The following ATP2C1 variants were observed in gnomAD, a reference collection of about 807,000 sequenced individuals.
ATP2C1 encodes the protein calcium-transporting ATPase type 2C member 1.
A neutral mutation model predicts 120.5 loss-of-function variants in ATP2C1; 31 were observed. The observed-to-expected ratio is 0.26, with a 90% CI of 0.19 to 0.35. The LOEUF (loss-of-function observed/expected upper bound fraction) is 0.35, where lower values mean the gene tolerates loss of function less well. Among genes scored for constraint, ATP2C1 ranks in the 10% least tolerant of loss-of-function variants. The pLI, the probability that ATP2C1 is intolerant of heterozygous loss-of-function variation, is 1.00. For missense variants in ATP2C1, 731 were observed against 1,107.5 expected (o/e 0.66, Z 4.83); for synonymous variants, 351 against 358.7 (o/e 0.98, Z 0.24).
intron 12 of ATP2C1, among the ~76,000 whole-genome samples, chr3:130,962,631 A>G (rs953505810): frequency 5.9e-5 from 9 of 151,276 alleles, no homozygotes; most frequent in Non-Finnish European, 1.0e-4. Flanking sequence ...AGTTTTGCTA[A>G]GATGACTTAA....
chr3:130,929,992 T>G, intron 2 of ATP2C1: 1 of 321,484 alleles, frequency 3.1e-6, no homozygotes, highest in Non-Finnish European at 6.0e-6. Flanking sequence ...AGATCAGCTA[T>G]GAGCTGACTG....
intron 2 of ATP2C1, among the ~76,000 whole-genome samples, chr3:130,898,845 A>T (rs1474253796): frequency 6.6e-6 from 1 of 152,208 alleles, no homozygotes; most frequent in Non-Finnish European, 1.5e-5. Flanking sequence ...TTTGTTTTAA[A>T]GGTGCCAGGA....
intron 2 of ATP2C1, among the ~76,000 whole-genome samples, chr3:130,908,988 T>C (rs1347775937): frequency 6.6e-6 from 1 of 152,196 alleles, no homozygotes; most frequent in African/African-American, 2.4e-5. Flanking sequence ...TTTTAATTTA[T>C]CAAATGAAGA....
intron 19 of ATP2C1, among the ~76,000 whole-genome samples, chr3:130,979,832 C>G (rs1431790253): frequency 6.6e-6 from 1 of 152,056 alleles, no homozygotes; most frequent in African/African-American, 2.4e-5. Flanking sequence ...TGTTTTTCAT[C>G]ATGTATACCT....
Position 130,998,318 on chromosome 3 carries a change from C to A in ATP2C1, c.2416C>A (p.Arg806=). 6.2e-7 allele frequency: 1 copy of A among 1,612,294 alleles called. No homozygotes were observed. Among genetic ancestry groups the A allele is most frequent in the Non-Finnish European group, 8.5e-7 (1 of 1,178,388 alleles). ...RELRDNVITP[R]DTTMTFTCFV... is the part of the protein sequence containing the mutation. ...GCTACGAGACAATGTGATTACACCTCGAGACACAACAATGACCTTCACATG... is the reference window on the plus strand; with the variant it reads ...GCTACGAGACAATGTGATTACACCTAGAGACACAACAATGACCTTCACATG... The change falls in exon 26 of 28, where the codon CGA becomes AGA. Residue 806 remains arginine, a synonymous_variant. Transcript: ENST00000510168.
Position 130,850,859 on chromosome 3 carries a change from CA to C in ATP2C1, c.45del (p.Lys15AsnfsTer14). The C allele has an allele frequency of 4.8e-6, 7 of 1,446,226 alleles. No individual in the cohort carries two copies. The highest frequency in any genetic ancestry group is 2.4e-5 in the Admixed American group (1 of 40,932). 89.6% of individuals were successfully genotyped at this position (1,446,226 alleles called of 1,614,324 possible). Reference sequence around the variant, plus strand: ...TGCCTCCATCTAGATTCTCTTATTTCAAAAAATATCCTCTCCATGCAATTAG... The same window carrying C: ...TGCCTCCATCTAGATTCTCTTATTTCAAAAATATCCTCTCCATGCAATTAG... On this transcript the variant is annotated frameshift_variant, in exon 1 of 27. Coordinates refer to the ATP2C1 transcript ENST00000504381. LOFTEE classifies it high-confidence loss of function.
At chr3:130,986,908 GTTTAGTTTAGTTTAGTTAGT>G (rs1446837184) in intron 20 of ATP2C1, among the ~76,000 whole-genome samples, 12 of 36,366 alleles carry the variant, frequency 3.3e-4, no homozygotes, top group African/African-American at 7.3e-4. Context: ...GTTTAGTTTA[GTTTAGTTTAGTTTAGTTAGT>G]TTAGTTTAGT....
At chr3:130,867,253 G>C (rs1434711229) in intron 1 of ATP2C1, among the ~76,000 whole-genome samples, 1 of 152,008 alleles carries the variant, frequency 6.6e-6, no homozygotes, top group Admixed American at 6.6e-5. Flanking sequence ...GTGAAAGAAA[G>C]AGTCATACAT....
intron 2 of ATP2C1, among the ~76,000 whole-genome samples, chr3:130,909,639 A>C (rs1352394764): frequency 6.6e-6 from 1 of 152,110 alleles, no homozygotes; most frequent in Non-Finnish European, 1.5e-5. Flanking sequence ...GTCTAGGCTC[A>C]TTGACTCGCT....
chr3:130,865,915 A>T (rs1018986076), intron 1 of ATP2C1, among the ~76,000 whole-genome samples: 7 of 152,182 alleles, frequency 4.6e-5, no homozygotes, highest in Admixed American at 2.0e-4. Flanking sequence ...TGATTTAAAA[A>T]TTTTTTAACT....
chr3:130,892,138 C>T (rs1030686737), upstream of ATP2C1, among the ~76,000 whole-genome samples: 2 of 152,094 alleles, frequency 1.3e-5, no homozygotes, highest in African/African-American at 2.4e-5. Flanking sequence ...TAGAGTATTG[C>T]AGTATATTAA....
chr3:130,941,571 G>C lies in ATP2C1; in HGVS notation c.423-20G>C, dbSNP rs1382916839. 1 of 1,589,970 alleles carries C rather than the reference G, an allele frequency of 6.3e-7. No homozygotes were observed. On this transcript the variant is annotated intron_variant, in intron 7 of 27. Transcript: ENST00000510168. ...GAATTTTTTTTTTTTAACCATGGTTGTTTCTATTTCGTGTTACAGTGTGCG... is the reference window on the plus strand; with the variant it reads ...GAATTTTTTTTTTTTAACCATGGTTCTTTCTATTTCGTGTTACAGTGTGCG...
chr3:130,916,451 C>T (rs2058695222), intron 2 of ATP2C1, among the ~76,000 whole-genome samples: 1 of 151,530 alleles, frequency 6.6e-6, no homozygotes, highest in Non-Finnish European at 1.5e-5. Context: ...AAAGTGAGGT[C>T]GAAACTATGA....
chr3:130,872,706 T>G (rs1198746377), intron 1 of ATP2C1, among the ~76,000 whole-genome samples: 1 of 152,010 alleles, frequency 6.6e-6, no homozygotes, highest in Non-Finnish European at 1.5e-5. Flanking sequence ...TGCCTTAGCC[T>G]CCCGAGTAGC....
At chr3:130,893,968 TC>T (rs1387636135), upstream of ATP2C1, 1 of 985,468 alleles carries the variant, frequency 1.0e-6, no homozygotes, top group Non-Finnish European at 1.2e-6. Flanking sequence ...TGCGCGCACC[TC>T]TCTCAGCGGA....
Position 130,940,659 on chromosome 3 carries a change from A to C in ATP2C1, c.390A>C (p.Glu130Asp). 6.2e-7 allele frequency: 1 copy of C among 1,612,790 alleles called. No homozygotes were observed. The highest frequency in any genetic ancestry group is 8.5e-7 in the Non-Finnish European group (1 of 1,179,050). ...QEYRSEKSLE[E>D]LSKLVPPECH... ...ATCGTTCAGAAAAATCTCTTGAAGA[A>C]TTGAGTAAACTTGTGCCACCAGAAT... Residue 130 changes from glutamate (E) to aspartate (D), a missense_variant, in exon 7 of 28, where the codon GAA becomes GAC. This residue lies in a region of ATP2C1 where 571 missense variants were observed against 845.9 expected (regional missense o/e 0.67). Coordinates refer to ENST00000510168, the MANE Select transcript of ATP2C1 (RefSeq NM_001378687.1).
chr3:130,854,322 T>C (rs2067767292), intron 1 of ATP2C1: 1 of 152,276 alleles, frequency 6.6e-6, no homozygotes, highest in African/African-American at 2.4e-5. Flanking sequence ...GGTGTGGTAG[T>C]AACAGTGGTG....
chr3:131,014,054 G>A, intron 26 of ATP2C1: 1 of 1,556,076 alleles, frequency 6.4e-7, no homozygotes, highest in South Asian at 1.2e-5. Context: ...TGCAAACTGA[G>A]TTTTATTCAA....
At chr3:130,992,904 A>G in intron 20 of ATP2C1, 47 bp from the exon 21 acceptor site, 1 of 1,477,600 alleles carries the variant, frequency 6.8e-7, no homozygotes, top group Non-Finnish European at 9.5e-7. Flanking sequence ...GTTATTCTGT[A>G]GAAATCTTAA....
Sources: gnomAD v4.1 joint callset for allele counts (sites outside exome capture counted in the v4.1 genomes callset) on GRCh38, gnomAD v4.1.1 for gene constraint, gnomAD v4.1.1 regional missense constraint, MANE v1.5 for transcripts, NCBI Gene and HGNC (gene_info 2026-07-23, HGNC 2026-07-21) for gene names.